NAV2: variants seen among roughly 807,000 people sequenced by gnomAD.
NAV2 encodes the protein neuron navigator 2.
A neutral mutation model predicts 223.2 loss-of-function variants in NAV2; 54 were observed. The observed-to-expected ratio is 0.24, with a 90% confidence interval of 0.19 to 0.30. NAV2 has a LOEUF of 0.30. Among genes scored for constraint, NAV2 ranks in the 10% least tolerant of loss-of-function variants. The probability of loss-of-function intolerance (pLI) is 1.00; values close to 1 mark genes in which losing one functional copy is unlikely to be tolerated. For synonymous variants in NAV2, 1,279 were observed against 1,239.3 expected, an observed-to-expected ratio of 1.03 and a Z score of -0.67; for missense variants, 2,806 against 3,147.5, an observed-to-expected ratio of 0.89 and a Z score of 2.60.
chr11:19,358,941 A>C (rs779469973), intron 1 of NAV2, among the ~76,000 whole-genome samples: 3 of 152,202 alleles, frequency 2.0e-5, no homozygotes, highest in Non-Finnish European at 2.9e-5. Flanking sequence ...ATCTATATTT[A>C]ATTGTTTGCT....
At chr11:19,394,888 C>A (rs1346132534) in intron 1 of NAV2, among the ~76,000 whole-genome samples, 1 of 152,172 alleles carries the variant, frequency 6.6e-6, no homozygotes, top group Non-Finnish European at 1.5e-5. Flanking sequence ...TGAAAACCAA[C>A]CAAGGAATGG....
chr11:19,946,551 C>A, intron 9 of NAV2, 42 bp downstream of exon 9: 1 of 1,526,244 alleles, frequency 6.6e-7, no homozygotes. Context: ...ACCTGGTATC[C>A]TAATTTTCTC....
intron 36 of NAV2, among the ~76,000 whole-genome samples, chr11:20,109,450 A>T (rs1440070559): frequency 5.3e-5 from 8 of 152,194 alleles, no homozygotes; most frequent in Admixed American, 5.2e-4. Context: ...GGCGTGGATA[A>T]ATTGACCATA....
At chr11:20,034,363 T>TG (rs71313415) in intron 11 of NAV2, among the ~76,000 whole-genome samples, 3 of 121,336 alleles carry the variant, frequency 2.5e-5, no homozygotes, top group East Asian at 2.2e-4. Context: ...TTTTTTTTTG[T>TG]TTTTTTTTTT....
chr11:19,597,819 G>A (rs968188422), intron 1 of NAV2, among the ~76,000 whole-genome samples: 2 of 152,236 alleles, frequency 1.3e-5, no homozygotes, highest in Non-Finnish European at 1.5e-5. Flanking sequence ...ACAGAACTGC[G>A]AGTTTCACTG....
chr11:19,636,933 G>T (rs2047518636), intron 1 of NAV2, among the ~76,000 whole-genome samples: 1 of 152,198 alleles, frequency 6.6e-6, no homozygotes. Flanking sequence ...TAAAAGAAAG[G>T]AGCTTCAGTG....
In NAV2 at chr11:19,977,994, TG is replaced by T. The variant is rs375262724; in HGVS notation, c.2646-6129del. Among the ~76,000 whole-genome samples the T allele has an allele frequency of 4.2e-3, 631 of 149,698 alleles. 3 individuals carry two copies. Among genetic ancestry groups the T allele is most frequent in the African/African-American group, 0.015 (597 of 40,738 alleles). ...TCATTTTGTTTTTTTTTGTTTTTTT[TG>T]GTTTTTTTTAGTAGAAACGGGGTTT... is the stretch of plus-strand genomic sequence containing the variant. On this transcript the variant is annotated intron_variant, in intron 10 of 37. Coordinates refer to ENST00000349880, the MANE Select transcript of NAV2 (RefSeq NM_145117.5).
intron 10 of NAV2, among the ~76,000 whole-genome samples, chr11:19,956,088 C>A (rs2047833761): frequency 6.6e-6 from 1 of 152,148 alleles, no homozygotes; most frequent in Admixed American, 6.5e-5. Flanking sequence ...GTGGGCTGGT[C>A]TCAGTGGGAT....
At chr11:20,066,061 T>C (rs765321618) in intron 20 of NAV2, among the ~76,000 whole-genome samples, 3 of 152,140 alleles carry the variant, frequency 2.0e-5, no homozygotes, top group Non-Finnish European at 4.4e-5. Flanking sequence ...CAGAAAGCAA[T>C]AGTATTAGTA....
intron 1 of NAV2, among the ~76,000 whole-genome samples, chr11:19,368,737 A>G (rs1407210797): frequency 6.6e-6 from 1 of 152,228 alleles, no homozygotes; most frequent in Non-Finnish European, 1.5e-5. Flanking sequence ...CAAATAAGTG[A>G]TAGAGCATGT....
At position 19,411,784 on chromosome 11, in the gene NAV2, C is replaced by T. The variant is rs557290106; in HGVS notation, c.75+60757C>T. ...AGAGCTTCAATTTGTGAAGCATCTT[C>T]ACAACTGGCATCTCGTTTTGGTACA... On this transcript the variant is annotated intron_variant, in intron 1 of 37. Transcript: ENST00000360655. Among the ~76,000 whole-genome samples, 4 of 152,250 alleles carry T rather than the reference C, an allele frequency of 2.6e-5. No homozygotes were observed. In the East Asian group the frequency reaches 7.7e-4, roughly 29 times the overall value.
At position 20,120,837 on chromosome 11, in the gene NAV2, C is replaced by T. The variant is rs2063440155; in HGVS notation, c.*2579C>T. ...GTCATATTTTTACTTTAGTGTCACT[C>T]ACCTTTTACAAAGTGACTTTGTACT... On this transcript the variant is annotated 3_prime_UTR_variant, in exon 38 of 38. Coordinates refer to ENST00000349880, the MANE Select transcript of NAV2 (RefSeq NM_145117.5). 1 of 151,510 alleles carries T rather than the reference C, an allele frequency of 6.6e-6. No individual in the cohort carries two copies. Among genetic ancestry groups the T allele is most frequent in the South Asian group, 2.1e-4 (1 of 4,804 alleles). 9.4% of individuals were successfully genotyped at this position (151,510 alleles called of 1,614,324 possible).
intron 6 of NAV2, among the ~76,000 whole-genome samples, chr11:19,929,300 A>G (rs1230313436): frequency 6.6e-6 from 1 of 152,170 alleles, no homozygotes; most frequent in East Asian, 1.9e-4. Flanking sequence ...GGCCCCAAAC[A>G]GCCACTCAGC....
intron 11 of NAV2, among the ~76,000 whole-genome samples, chr11:20,034,981 G>C (rs368043429): frequency 6.6e-6 from 1 of 152,148 alleles, no homozygotes; most frequent in Non-Finnish European, 1.5e-5. Context: ...ACAGGACTGG[G>C]GTAGGAGGCA....
intron 22 of NAV2, among the ~76,000 whole-genome samples, chr11:20,074,981 T>C (rs1278488756): frequency 6.6e-6 from 1 of 152,066 alleles, no homozygotes; most frequent in South Asian, 2.1e-4. Flanking sequence ...GACAATCAAA[T>C]GCAGAACTGA....
intron 1 of NAV2, among the ~76,000 whole-genome samples, chr11:19,498,780 T>C (rs2042876839): frequency 6.6e-6 from 1 of 152,222 alleles, no homozygotes; most frequent in Non-Finnish European, 1.5e-5. Flanking sequence ...CTTAGGTCCT[T>C]GCTCTGAAGT....
At chr11:19,432,996 C>T (rs914579037) in intron 1 of NAV2, among the ~76,000 whole-genome samples, 2 of 152,154 alleles carry the variant, frequency 1.3e-5, no homozygotes, top group Non-Finnish European at 2.9e-5. Context: ...CAAACTGTGG[C>T]CAGCTCCTGT....
At chr11:19,586,184 T>A (rs182646017) in intron 1 of NAV2, among the ~76,000 whole-genome samples, 5 of 152,368 alleles carry the variant, frequency 3.3e-5, no homozygotes, top group African/African-American at 1.2e-4. Context: ...CTACTGCGGC[T>A]TGTGCATTCG....
chr11:19,605,893 C>G (rs555316161), intron 1 of NAV2, among the ~76,000 whole-genome samples: 9 of 152,274 alleles, frequency 5.9e-5, no homozygotes, highest in African/African-American at 1.9e-4. Flanking sequence ...GCAACCAATG[C>G]AACCCGCTGC....
Sources: allele counts gnomAD v4.1 joint callset (sites outside exome capture counted in the v4.1 genomes callset), GRCh38; gene constraint gnomAD v4.1.1; transcripts MANE v1.5; gene names NCBI Gene and HGNC (gene_info 2026-07-23, HGNC 2026-07-21).